MIGA2: variants seen among roughly 807,000 people sequenced by gnomAD.
MIGA2 encodes the protein mitoguardin 2, also known as family with sequence similarity 73, member B.
A neutral mutation model predicts 69.9 loss-of-function variants in MIGA2; 36 were observed. The ratio of observed to expected loss-of-function variants is 0.52; its 90% CI spans 0.39 to 0.68. MIGA2 has a LOEUF of 0.68. Ranked by LOEUF, MIGA2 falls within the 30% of genes least tolerant of loss-of-function variation. MIGA2 has a pLI of 0.00. For missense variants in MIGA2, 660 were observed against 787.7 expected (o/e 0.84, Z 1.94); for synonymous variants, 333 against 349.2 (o/e 0.95, Z 0.52).
In MIGA2 at chr9:129,061,205, G is replaced by C. The variant is rs775762007; in HGVS notation, c.895-26G>C. 2 of 1,591,746 alleles carry C rather than the reference G, an allele frequency of 1.3e-6. No individual in the cohort carries two copies. The highest frequency in any genetic ancestry group is 2.3e-5 in the South Asian group (2 of 88,734). On this transcript the variant is annotated intron_variant, in intron 8 of 15. Transcript: ENST00000684074. The surrounding 1 kb of genome is among the most constrained non-coding windows in gnomAD (Gnocchi z 5.0). ...CGTGCTGCTCACATGGGCTTCCCTG[G>C]TCTCTTCCTCTGCACCCTCTCCCAG...
intron 6 of MIGA2, among the ~76,000 whole-genome samples, chr9:129,056,092 A>C (rs542130409): frequency 2.1e-3 from 317 of 150,368 alleles, no homozygotes; most frequent in African/African-American, 6.4e-3. Context: ...TCATCACTGC[A>C]CTGTAGCATG....
In MIGA2 at chr9:129,069,242, T is replaced by A; in HGVS notation, c.1458+113T>A. On this transcript the variant is annotated intron_variant, in intron 14 of 15. Coordinates refer to ENST00000684074, the MANE Select transcript of MIGA2 (RefSeq NM_001329990.2). The surrounding 1 kb of genome is among the most constrained non-coding windows in gnomAD (Gnocchi z 4.9). ...GCCACTTGGCCTTCACCGCTCACAGTCCTGGCCCCCTTGTTCCGCCGTTAC... is the reference window on the plus strand; with the variant it reads ...GCCACTTGGCCTTCACCGCTCACAGACCTGGCCCCCTTGTTCCGCCGTTAC... 7.4e-7 allele frequency: 1 copy of A among 1,345,364 alleles called. No homozygotes were observed. Among genetic ancestry groups the A allele is most frequent in the Non-Finnish European group, 1.1e-6 (1 of 948,096 alleles). The allele number at this position is 1,345,364 out of a possible 1,614,324, so 83.3% of individuals were successfully genotyped here. A position where few individuals can be genotyped will look rare whatever the true frequency, so the allele number is the denominator to read the frequency against.
At chr9:129,056,235 A>G (rs1038511238) in intron 6 of MIGA2, among the ~76,000 whole-genome samples, 1 of 152,102 alleles carries the variant, frequency 6.6e-6, no homozygotes, top group Non-Finnish European at 1.5e-5. Flanking sequence ...TGTAGCAAAC[A>G]TTAAATGTTG....
chr9:129,062,842 T>TA (rs547124198), intron 9 of MIGA2, among the ~76,000 whole-genome samples: 157 of 141,566 alleles, frequency 1.1e-3, no homozygotes, highest in Middle Eastern at 7.0e-3. Context: ...AGACTCCGTC[T>TA]AAAAAAAAAA....
At position 129,069,282 on chromosome 9, in the gene MIGA2, G is replaced by T; in HGVS notation, c.1458+153G>T. ...TCCGCCGTTACCTCTCCCTGTGCCAGGAGCTCCCTGGAGGCTCGTGTAGAC... is the reference window on the plus strand; with the variant it reads ...TCCGCCGTTACCTCTCCCTGTGCCATGAGCTCCCTGGAGGCTCGTGTAGAC... On this transcript the variant is annotated intron_variant, in intron 14 of 15. Transcript: ENST00000684074. The surrounding 1 kb of genome is among the most constrained non-coding windows in gnomAD (Gnocchi z 4.9). 1.1e-6 allele frequency: 1 copy of T among 891,506 alleles called. No homozygotes were observed. The highest frequency in any genetic ancestry group is 1.8e-6 in the Non-Finnish European group (1 of 563,318). 55.2% of individuals were successfully genotyped at this position (891,506 alleles called of 1,614,324 possible). A position where few individuals can be genotyped will look rare whatever the true frequency, so the allele number is the denominator to read the frequency against.
intron 11 of MIGA2, 46 bp from the exon 12 acceptor site, chr9:129,067,726 TG>T: frequency 6.5e-7 from 1 of 1,550,210 alleles, no homozygotes; most frequent in Non-Finnish European, 8.8e-7. Context: ...AGCCTGTCCC[TG>T]TGGGTCTTGT....
At chr9:129,055,876 G>A (rs1588394763) in intron 6 of MIGA2, among the ~76,000 whole-genome samples, 1 of 151,852 alleles carries the variant, frequency 6.6e-6, no homozygotes, top group East Asian at 1.9e-4. Flanking sequence ...TTGGCCGGGT[G>A]CAGTAGCTCA....
intron 3 of MIGA2, among the ~76,000 whole-genome samples, chr9:129,047,498 C>T (rs1226597303): frequency 2.6e-5 from 4 of 151,968 alleles, no homozygotes; most frequent in Admixed American, 6.6e-5. Context: ...CTGCAACCTC[C>T]GTGTCCCAGG....
intron 11 of MIGA2, among the ~76,000 whole-genome samples, chr9:129,064,746 A>G: frequency 6.7e-6 from 1 of 149,216 alleles, no homozygotes; most frequent in Admixed American, 6.7e-5. Flanking sequence ...GGCTTTACAT[A>G]TGCTGGTCTC....
Position 129,063,544 on chromosome 9 carries a change from G to A in MIGA2, c.1084-1G>A. ...ACTCCCCTCCCTTCCTCCTTCCCTA[G>A]GGGCTTCTGGAAGACAAGAGTAACC... On this transcript the variant is annotated splice_acceptor_variant, in intron 10 of 15. Coordinates refer to ENST00000684074, the MANE Select transcript of MIGA2 (RefSeq NM_001329990.2). LOFTEE classifies it high-confidence loss of function. The A allele has an allele frequency of 6.2e-7, 1 of 1,613,802 alleles. No homozygotes were observed. The highest frequency in any genetic ancestry group is 8.5e-7 in the Non-Finnish European group (1 of 1,179,806).
Position 129,069,547 on chromosome 9 carries a change from C to T in MIGA2, c.1459-302C>T, listed in dbSNP as rs1378110256. 3 of 524,702 alleles carry T rather than the reference C, an allele frequency of 5.7e-6. No individual in the cohort carries two copies. Among genetic ancestry groups the T allele is most frequent in the South Asian group, 4.1e-5 (2 of 48,692 alleles). 32.5% of individuals were successfully genotyped at this position (524,702 alleles called of 1,614,324 possible). On this transcript the variant is annotated intron_variant, in intron 14 of 15. Transcript: ENST00000684074. The surrounding 1 kb of genome is among the most constrained non-coding windows in gnomAD (Gnocchi z 4.9). ...GCTATCTGGCCTGTGGTTTGTCGTT[C>T]CCCTCTGCGGGCCAGGCTCTGTTGC...
In MIGA2 at chr9:129,070,700, G is replaced by T; in HGVS notation, c.*247G>T. 1.9e-6 allele frequency: 1 copy of T among 528,068 alleles called. No individual in the cohort carries two copies. Among genetic ancestry groups the T allele is most frequent in the Non-Finnish European group, 3.3e-6 (1 of 298,596 alleles). 32.7% of individuals were successfully genotyped at this position (528,068 alleles called of 1,614,324 possible). A position where few individuals can be genotyped will look rare whatever the true frequency, so the allele number is the denominator to read the frequency against. Reference sequence around the variant, plus strand: ...AGAGAGGGGGTTGTTGTGGAGAATTGGGACAGGCAGAGCCAGGATGCCCCA... The same window carrying T: ...AGAGAGGGGGTTGTTGTGGAGAATTTGGACAGGCAGAGCCAGGATGCCCCA... On this transcript the variant is annotated 3_prime_UTR_variant, in exon 16 of 16. Transcript: ENST00000684074.
intron 11 of MIGA2, 148 bp downstream of exon 11, chr9:129,063,779 G>C: frequency 1.3e-6 from 1 of 757,286 alleles, no homozygotes; most frequent in Non-Finnish European, 2.1e-6. Flanking sequence ...CGTGGATCTT[G>C]TTATTCCATT....
intron 15 of MIGA2, 42 bp from the exon 16 acceptor site, chr9:129,070,205 G>A: frequency 6.3e-7 from 1 of 1,591,758 alleles, no homozygotes; most frequent in Non-Finnish European, 8.6e-7. Flanking sequence ...ATCATGGTGG[G>A]CAGTGGCTGG....
rs545857969 is a variant in MIGA2 at position 129,069,511 on chromosome 9, C to T, written c.1459-338C>T. On this transcript the variant is annotated intron_variant, in intron 14 of 15. Transcript: ENST00000684074. The surrounding 1 kb of genome is among the most constrained non-coding windows in gnomAD (Gnocchi z 4.9). Reference sequence around the variant, plus strand: ...CCCTGTAATCTCCGCTCCCAGGCAGCGACTGGCTGTGCTATCTGGCCTGTG... The same window carrying T: ...CCCTGTAATCTCCGCTCCCAGGCAGTGACTGGCTGTGCTATCTGGCCTGTG... 54 of 503,788 alleles carry T rather than the reference C, an allele frequency of 1.1e-4. No individual in the cohort carries two copies. The highest frequency in any genetic ancestry group is 2.9e-4 in the African/African-American group (15 of 51,858). 31.2% of individuals were successfully genotyped at this position (503,788 alleles called of 1,614,324 possible).
Position 129,060,600 on chromosome 9 carries a change from G to T in MIGA2, c.844G>T (p.Asp282Tyr), listed in dbSNP as rs1409469130. The T allele has an allele frequency of 6.2e-7, 1 of 1,605,992 alleles. No homozygotes were observed. The highest frequency in any genetic ancestry group is 1.7e-5 in the Admixed American group (1 of 59,194). Residue 282 changes from aspartate (D) to tyrosine (Y), a missense_variant, in exon 8 of 16, where the codon GAC becomes TAC. Asp to Tyr is a radical substitution (Grantham distance 160, BLOSUM62 -3). Around this residue, in one of 3 missense-constraint regions of MIGA2, gnomAD observed 386 missense variants for 402.0 expected, o/e 0.96. Transcript: ENST00000684074. This position sits in a 1 kb window ranked among gnomAD's most constrained non-coding sequence, Gnocchi z 4.8. ...CGAGGGCTCGCTGCGGCTGCGGGCG[G>T]ACGATGAGGACAGCCTGACTTCAGA... is the stretch of plus-strand genomic sequence containing the variant. Reference protein sequence around the residue: ...LTEGSLRLRADDEDSLTSEDS... With the variant: ...LTEGSLRLRAYDEDSLTSEDS...
At chr9:129,051,280 A>ATTTT (rs200508456) in intron 6 of MIGA2, 13 of 174,632 alleles carry the variant, frequency 7.4e-5, no homozygotes, top group African/African-American at 3.2e-4. Context: ...TTATTTATTT[A>ATTTT]TTTATTTTTT....
chr9:129,047,387 A>G (rs987029030), intron 3 of MIGA2, among the ~76,000 whole-genome samples: 3 of 150,688 alleles, frequency 2.0e-5, no homozygotes, highest in Non-Finnish European at 2.9e-5. Context: ...CCCTGTCTCT[A>G]TTTTAAAAAA....
Position 129,049,376 on chromosome 9 carries a change from C to T in MIGA2, c.421-5C>T, listed in dbSNP as rs751380194. The T allele has an allele frequency of 6.2e-7, 1 of 1,612,836 alleles. No homozygotes were observed. The highest frequency in any genetic ancestry group is 1.1e-5 in the South Asian group (1 of 90,760). Reference sequence around the variant, plus strand: ...CTCTTTCTTCTTGCACTGATTGGCGCCCAGATGATGGCAGTGAACTCATCC... The same window carrying T: ...CTCTTTCTTCTTGCACTGATTGGCGTCCAGATGATGGCAGTGAACTCATCC... On this transcript the variant is annotated splice_region_variant and splice_polypyrimidine_tract_variant and intron_variant, in intron 4 of 15. Coordinates refer to ENST00000684074, the MANE Select transcript of MIGA2 (RefSeq NM_001329990.2).
Sources: gnomAD v4.1 joint callset for allele counts (sites outside exome capture counted in the v4.1 genomes callset) on GRCh38, gnomAD v4.1.1 for gene constraint, gnomAD v4.1.1 regional missense constraint, Gnocchi (gnomAD v3.1) non-coding constraint, MANE v1.5 for transcripts, NCBI Gene and HGNC (gene_info 2026-07-23, HGNC 2026-07-21) for gene names.